The following MYO5B variants were observed in gnomAD, a reference collection of about 807,000 sequenced individuals.
MYO5B encodes the protein unconventional myosin-Vb.
MYO5B carries 143 observed loss-of-function variants against 229.3 expected under a neutral mutation model. The observed-to-expected ratio is 0.62, with a 90% CI of 0.54 to 0.72. The LOEUF is 0.72. Among genes scored for constraint, MYO5B ranks in the 30% least tolerant of loss-of-function variants. The probability of loss-of-function intolerance (pLI) is 0.00; values close to 1 mark genes in which losing one functional copy is unlikely to be tolerated. For missense variants in MYO5B, 2,321 were observed against 2,331.0 expected (o/e 1.00, Z 0.09); for synonymous variants, 918 against 885.2 (o/e 1.04, Z -0.66).
chr18:50,131,131 T>A (rs897338200), intron 1 of MYO5B, among the ~76,000 whole-genome samples: 4 of 152,228 alleles, frequency 2.6e-5, no homozygotes, highest in Admixed American at 6.5e-5. Context: ...CACGGCACTT[T>A]AAAAGCATTA....
intron 1 of MYO5B, among the ~76,000 whole-genome samples, chr18:50,086,845 G>A (rs1185496386): frequency 6.6e-6 from 1 of 152,080 alleles, no homozygotes; most frequent in Non-Finnish European, 1.5e-5. Flanking sequence ...CACACAACTG[G>A]TCAACTCACA....
At chr18:49,891,739 C>A (rs1335166708) in intron 22 of MYO5B, among the ~76,000 whole-genome samples, 1 of 152,186 alleles carries the variant, frequency 6.6e-6, no homozygotes, top group African/African-American at 2.4e-5. Context: ...GCTATGAGAG[C>A]CCCCATTCCC....
intron 10 of MYO5B, among the ~76,000 whole-genome samples, chr18:49,963,781 C>G (rs1206903492): frequency 6.6e-6 from 1 of 152,196 alleles, no homozygotes; most frequent in Non-Finnish European, 1.5e-5. Context: ...CCCCACACCA[C>G]TGTTCTGAAG....
chr18:49,896,128 C>T (rs971390728), intron 21 of MYO5B, among the ~76,000 whole-genome samples: 3 of 152,156 alleles, frequency 2.0e-5, no homozygotes, highest in African/African-American at 4.8e-5. Context: ...TTAAACTTCA[C>T]AGAAAACAGT....
intron 1 of MYO5B, among the ~76,000 whole-genome samples, chr18:50,082,953 C>A (rs1028615257): frequency 6.6e-6 from 1 of 152,106 alleles, no homozygotes; most frequent in Non-Finnish European, 1.5e-5. Context: ...ACCTGGAGAC[C>A]CCACAGATTA....
chr18:50,060,610 A>G (rs1315767297), intron 1 of MYO5B, among the ~76,000 whole-genome samples: 1 of 152,232 alleles, frequency 6.6e-6, no homozygotes, highest in Non-Finnish European at 1.5e-5. Flanking sequence ...AAAGAGCCCC[A>G]CATATTTCCT....
chr18:50,076,593 A>C lies in MYO5B; in HGVS notation c.28-21215T>G, dbSNP rs898371987. 2.9e-4 allele frequency among the ~76,000 whole-genome samples: 44 copies of C among 152,154 alleles called. 1 individual carries two copies. Among genetic ancestry groups the C allele is most frequent in the Admixed American group, 2.5e-3 (38 of 15,276 alleles). On this transcript the variant is annotated intron_variant, in intron 1 of 39. Coordinates refer to ENST00000285039, the MANE Select transcript of MYO5B (RefSeq NM_001080467.3). ...ATAGCCTTGGGCTTGTCAAATTCCT[A>C]GAAATGAGCAAAGGGGATCCGGCAG...
intron 12 of MYO5B, among the ~76,000 whole-genome samples, chr18:49,954,689 C>A (rs2025472252): frequency 1.3e-5 from 2 of 152,188 alleles, no homozygotes; most frequent in South Asian, 2.1e-4. Context: ...TTGGCAGACA[C>A]TGGAAGTGCT....
chr18:50,071,963 A>G (rs1022616921), intron 1 of MYO5B, among the ~76,000 whole-genome samples: 2 of 152,230 alleles, frequency 1.3e-5, no homozygotes, highest in Non-Finnish European at 2.9e-5. Flanking sequence ...GCTGCATAAC[A>G]CAGACCATCT....
chr18:50,091,384 A>G (rs1164136895), intron 1 of MYO5B, among the ~76,000 whole-genome samples: 1 of 151,954 alleles, frequency 6.6e-6, no homozygotes, highest in East Asian at 1.9e-4. Context: ...TATAAATTTT[A>G]CTCGTATTCA....
intron 4 of MYO5B, among the ~76,000 whole-genome samples, chr18:50,002,053 A>AT (rs398032792): frequency 2.0e-5 from 3 of 150,718 alleles, no homozygotes; most frequent in Non-Finnish European, 4.4e-5. Flanking sequence ...AAAAAAAAAA[A>AT]TTCACAAGCA....
At chr18:49,902,411 G>T (rs1206245953) in intron 21 of MYO5B, among the ~76,000 whole-genome samples, 183 bp downstream of exon 21, 1 of 152,174 alleles carries the variant, frequency 6.6e-6, no homozygotes, top group Non-Finnish European at 1.5e-5. Flanking sequence ...CAGATCCCAG[G>T]GCTGAGGGTA....
At chr18:49,856,771 C>T (rs766304969) in intron 30 of MYO5B, 42 bp downstream of exon 30, 3 of 1,532,830 alleles carry the variant, frequency 2.0e-6, no homozygotes, top group Non-Finnish European at 2.7e-6. Flanking sequence ...TGAGCAGGCC[C>T]AACGGACAAA....
intron 1 of MYO5B, among the ~76,000 whole-genome samples, chr18:50,060,340 A>T (rs2030658034): frequency 6.6e-6 from 1 of 152,204 alleles, no homozygotes; most frequent in Non-Finnish European, 1.5e-5. Flanking sequence ...AACTCTCTAG[A>T]ACCAAAGATC....
intron 1 of MYO5B, among the ~76,000 whole-genome samples, chr18:50,149,324 G>GA (rs1330033277): frequency 1.3e-5 from 2 of 150,638 alleles, no homozygotes; most frequent in Admixed American, 6.6e-5. Flanking sequence ...CACAGAATTG[G>GA]AAAAAACTAC....
At chr18:49,982,014 A>G (rs1051368181) in intron 8 of MYO5B, among the ~76,000 whole-genome samples, 1 of 152,154 alleles carries the variant, frequency 6.6e-6, no homozygotes, top group Non-Finnish European at 1.5e-5. Context: ...GCTAGACAGG[A>G]GCTGGGTGCT....
intron 1 of MYO5B, among the ~76,000 whole-genome samples, chr18:50,115,676 T>C (rs976530579): frequency 3.3e-5 from 5 of 152,104 alleles, no homozygotes; most frequent in Non-Finnish European, 1.5e-5. Flanking sequence ...GACTTCAGAA[T>C]CTTACAGAAT....
chr18:50,177,594 T>C (rs1032700438), intron 1 of MYO5B, among the ~76,000 whole-genome samples: 1 of 152,196 alleles, frequency 6.6e-6, no homozygotes, highest in Non-Finnish European at 1.5e-5. Context: ...TCCCTGGAGT[T>C]GGTGGGAGGG....
chr18:50,034,853 C>T (rs1410245886), intron 4 of MYO5B, among the ~76,000 whole-genome samples: 1 of 152,150 alleles, frequency 6.6e-6, no homozygotes, highest in Non-Finnish European at 1.5e-5. Context: ...GCAAAAATTG[C>T]AGAAGAACTT....
Sources: gnomAD v4.1 joint callset for allele counts (sites outside exome capture counted in the v4.1 genomes callset) on GRCh38, gnomAD v4.1.1 for gene constraint, MANE v1.5 for transcripts, NCBI Gene and HGNC (gene_info 2026-07-23, HGNC 2026-07-21) for gene names.